The following GKAP1 variants were observed in gnomAD, a reference collection of about 807,000 sequenced individuals.
GKAP1 encodes G kinase-anchoring protein 1.
Under a neutral mutation model 56.7 loss-of-function variants are expected in GKAP1, and 31 were observed. That is an observed-to-expected ratio of 0.55 (90% CI 0.41 to 0.74). GKAP1 has a LOEUF of 0.74. Among genes scored for constraint, GKAP1 ranks in the 30% least tolerant of loss-of-function variants. The pLI is 0.00. For missense variants in GKAP1, 364 were observed against 402.3 expected (o/e 0.90, Z 0.82); for synonymous variants, 151 against 138.6 (o/e 1.09, Z -0.63).
intron 3 of GKAP1, among the ~76,000 whole-genome samples, chr9:83,804,459 G>C (rs1467370912): frequency 2.7e-5 from 3 of 112,614 alleles, no homozygotes; most frequent in African/African-American, 3.5e-5. Flanking sequence ...GCCTCTGCCC[G>C]GCCACCCCTA....
chr9:83,795,275 T>A (rs1944226094), intron 4 of GKAP1, among the ~76,000 whole-genome samples: 1 of 151,784 alleles, frequency 6.6e-6, no homozygotes, highest in African/African-American at 2.4e-5. Context: ...ATTTTATACA[T>A]CATGTATCAC....
At chr9:83,804,886 A>T (rs1417700525) in intron 3 of GKAP1, among the ~76,000 whole-genome samples, 2 of 148,620 alleles carry the variant, frequency 1.3e-5, no homozygotes, top group African/African-American at 5.0e-5. Flanking sequence ...CCCGTCCGGG[A>T]GGTGAGGGGC....
chr9:83,783,042 C>T (rs946611016), intron 6 of GKAP1, among the ~76,000 whole-genome samples: 1 of 152,178 alleles, frequency 6.6e-6, no homozygotes, highest in African/African-American at 2.4e-5. Flanking sequence ...TGGCAGCCTA[C>T]AGGGAAAAAC....
rs1239765606 is a variant in GKAP1, at chr9:83,742,611, A to G, written c.905-11T>C. ...CTGCCTTATCTTTCACTGACAAAAA[A>G]GGAAAAACAGCAGTATAGATTTTCC... On this transcript the variant is annotated splice_polypyrimidine_tract_variant and intron_variant, in intron 10 of 12. Transcript: ENST00000376371. 3.1e-6 allele frequency: 5 copies of G among 1,596,014 alleles called. No individual in the cohort carries two copies. The highest frequency in any genetic ancestry group is 1.7e-4 in the Middle Eastern group (1 of 6,046).
intron 11 of GKAP1, 128 bp downstream of exon 11, chr9:83,742,402 T>G (rs1943223089): frequency 1.6e-6 from 1 of 643,558 alleles, no homozygotes; most frequent in South Asian, 2.2e-5. Flanking sequence ...CATGGGCTAT[T>G]ACATAATAAT....
At chr9:83,798,906 C>G (rs1444362466) in intron 4 of GKAP1, among the ~76,000 whole-genome samples, 1 of 152,122 alleles carries the variant, frequency 6.6e-6, no homozygotes, top group Non-Finnish European at 1.5e-5. Flanking sequence ...AATACTGTTC[C>G]CCTACCTTCC....
At chr9:83,753,457 C>T (rs1943427062) in intron 8 of GKAP1, 98 bp from the exon 9 acceptor site, 2 of 785,980 alleles carry the variant, frequency 2.5e-6, no homozygotes, top group Middle Eastern at 2.3e-4. Context: ...AAATTCTGAC[C>T]TTAATTTTCT....
intron 8 of GKAP1, among the ~76,000 whole-genome samples, chr9:83,767,873 G>A (rs1943690557): frequency 6.6e-6 from 1 of 152,092 alleles, no homozygotes; most frequent in Admixed American, 6.6e-5. Flanking sequence ...TTTTAGTAGA[G>A]ATGAGGTTTT....
intron 4 of GKAP1, among the ~76,000 whole-genome samples, chr9:83,797,588 A>C (rs1389098897): frequency 6.6e-6 from 1 of 152,102 alleles, no homozygotes; most frequent in Non-Finnish European, 1.5e-5. Context: ...TTCCTAAGTG[A>C]CCCATCAGTA....
At chr9:83,811,092 A>G (rs1236923295) in intron 2 of GKAP1, among the ~76,000 whole-genome samples, 1 of 152,270 alleles carries the variant, frequency 6.6e-6, no homozygotes, top group Non-Finnish European at 1.5e-5. Context: ...GCACATGACT[A>G]TATAAGCATT....
At chr9:83,740,668 A>G (rs1411136552) in intron 12 of GKAP1, among the ~76,000 whole-genome samples, 2 of 152,278 alleles carry the variant, frequency 1.3e-5, no homozygotes, top group South Asian at 2.1e-4. Flanking sequence ...CACCTATTTA[A>G]TTGGCTAACA....
intron 7 of GKAP1, among the ~76,000 whole-genome samples, chr9:83,771,452 T>C (rs1469001726): frequency 3.9e-5 from 6 of 152,212 alleles, no homozygotes; most frequent in African/African-American, 1.4e-4. Flanking sequence ...CAATAATTAT[T>C]CATACTTTTC....
chr9:83,784,388 G>A (rs1194650222), intron 6 of GKAP1, among the ~76,000 whole-genome samples: 1 of 152,176 alleles, frequency 6.6e-6, no homozygotes, highest in Non-Finnish European at 1.5e-5. Context: ...TTATAAAAGG[G>A]CAAATTTGGC....
intron 2 of GKAP1, among the ~76,000 whole-genome samples, chr9:83,810,905 C>T (rs1225659242): frequency 6.6e-6 from 1 of 152,198 alleles, no homozygotes; most frequent in East Asian, 1.9e-4. Context: ...GCCTACTATC[C>T]ACCTAGGCTA....
At chr9:83,771,096 C>T (rs762591210) in intron 7 of GKAP1, among the ~76,000 whole-genome samples, 7 of 152,072 alleles carry the variant, frequency 4.6e-5, no homozygotes, top group Non-Finnish European at 1.0e-4. Flanking sequence ...GACAGTCTCA[C>T]TCTCACCCAG....
intron 7 of GKAP1, among the ~76,000 whole-genome samples, chr9:83,777,657 A>G (rs571974273): frequency 6.6e-6 from 1 of 152,206 alleles, no homozygotes; most frequent in Non-Finnish European, 1.5e-5. Context: ...AAGGGGAGGT[A>G]GGTAAGAAGA....
At chr9:83,745,039 C>A (rs1302633041) in intron 10 of GKAP1, among the ~76,000 whole-genome samples, 1 of 152,074 alleles carries the variant, frequency 6.6e-6, no homozygotes, top group Non-Finnish European at 1.5e-5. Flanking sequence ...TGGGTGGAGA[C>A]ACAGAGCCAA....
chr9:83,799,673 A>G (rs117992678), intron 3 of GKAP1, among the ~76,000 whole-genome samples: 7 of 152,304 alleles, frequency 4.6e-5, no homozygotes, highest in Non-Finnish European at 8.8e-5. Flanking sequence ...GCAAAACACA[A>G]CTGGGCTCAG....
In GKAP1 at chr9:83,790,545, G is replaced by A. The variant is rs146779466; in HGVS notation, c.361-1867C>T. On this transcript the variant is annotated intron_variant, in intron 4 of 12. Coordinates refer to ENST00000376371, the MANE Select transcript of GKAP1 (RefSeq NM_025211.4). ...CGCCTATAATCCCAGCACTTTAGGA[G>A]GACGAGGTGGGCGGATCACCTGAGG... Among the ~76,000 whole-genome samples the A allele has an allele frequency of 5.2e-3, 799 of 152,278 alleles. 5 individuals are homozygous for A. Among genetic ancestry groups the A allele is most frequent in the Non-Finnish European group, 7.5e-3 (508 of 68,022 alleles).
Sources: gnomAD v4.1 joint callset for allele counts (sites outside exome capture counted in the v4.1 genomes callset) on GRCh38, gnomAD v4.1.1 for gene constraint, MANE v1.5 for transcripts, NCBI Gene and HGNC (gene_info 2026-07-23, HGNC 2026-07-21) for gene names.